SYT17: variants seen among roughly 807,000 people sequenced by gnomAD.
SYT17 encodes the protein synaptotagmin-17.
SYT17 carries 22 observed loss-of-function variants against 46.7 expected under a neutral mutation model. The ratio of observed to expected loss-of-function variants is 0.47; its 90% CI spans 0.34 to 0.67. SYT17 has a LOEUF of 0.67. SYT17 is among the 30% of genes least tolerant of loss of function. The probability of loss-of-function intolerance (pLI) is 0.01; values close to 1 mark genes in which losing one functional copy is unlikely to be tolerated. For missense variants in SYT17, 519 were observed against 612.8 expected (o/e 0.85, Z 1.62); for synonymous variants, 251 against 248.4 (o/e 1.01, Z -0.10).
At chr16:19,258,438 C>T (rs1489827484) in intron 7 of SYT17, among the ~76,000 whole-genome samples, 2 of 151,736 alleles carry the variant, frequency 1.3e-5, no homozygotes, top group Non-Finnish European at 2.9e-5. Context: ...GTCAGGTGTT[C>T]GAGACCAGCC....
At chr16:19,186,202 T>C (rs950933639) in intron 5 of SYT17, among the ~76,000 whole-genome samples, 1 of 151,810 alleles carries the variant, frequency 6.6e-6, no homozygotes, top group Non-Finnish European at 1.5e-5. Context: ...TAGGGCTGAG[T>C]GCAATGGCTC....
intron 7 of SYT17, among the ~76,000 whole-genome samples, chr16:19,253,255 T>G (rs1968318341): frequency 6.6e-6 from 1 of 152,198 alleles, no homozygotes; most frequent in South Asian, 2.1e-4. Context: ...TCTCTGGCCC[T>G]TTATAGAAAA....
chr16:19,217,148 T>C (rs879776915), intron 5 of SYT17, among the ~76,000 whole-genome samples: 4 of 152,256 alleles, frequency 2.6e-5, no homozygotes, highest in Non-Finnish European at 4.4e-5. Flanking sequence ...TGAGCTTTTT[T>C]CCATATGTTT....
At chr16:19,253,051 C>T (rs916579430) in intron 7 of SYT17, among the ~76,000 whole-genome samples, 2 of 152,164 alleles carry the variant, frequency 1.3e-5, no homozygotes, top group Admixed American at 6.5e-5. Context: ...GACCACACTT[C>T]GGGAACCACT....
chr16:19,224,249 T>G (rs1383306947), intron 6 of SYT17, among the ~76,000 whole-genome samples: 4 of 152,148 alleles, frequency 2.6e-5, no homozygotes, highest in African/African-American at 9.7e-5. Flanking sequence ...AAAACTGATT[T>G]CTCACCTTGA....
intron 5 of SYT17, among the ~76,000 whole-genome samples, chr16:19,216,628 C>T (rs151124732): frequency 0.015 from 2,314 of 152,122 alleles, 77 homozygotes; most frequent in African/African-American, 0.052. Flanking sequence ...TGAGAACATG[C>T]GGTGTTTGGT....
chr16:19,173,377 T>TTCCCCCCCC, intron 2 of SYT17, 53 bp from the exon 3 acceptor site: 1 of 133,944 alleles, frequency 7.5e-6, no homozygotes, highest in Non-Finnish European at 1.5e-5. Context: ...TTCCCCACCC[T>TTCCCCCCCC]GCCCACCTCC....
At chr16:19,172,503 A>C in intron 1 of SYT17, 1 of 1,487,924 alleles carries the variant, frequency 6.7e-7, no homozygotes, top group Non-Finnish European at 8.8e-7. Context: ...ATCAAATCGA[A>C]ATGCTAAAGT....
intron 7 of SYT17, among the ~76,000 whole-genome samples, chr16:19,250,359 T>TGTGTGTG (rs1967957748): frequency 1.5e-5 from 2 of 132,468 alleles, no homozygotes; most frequent in South Asian, 5.5e-4. Context: ...TCAAACATGT[T>TGTGTGTG]TGTGTGTGTG....
chr16:19,208,409 C>A (rs374120689), intron 5 of SYT17, among the ~76,000 whole-genome samples: 1 of 152,142 alleles, frequency 6.6e-6, no homozygotes, highest in Non-Finnish European at 1.5e-5. Context: ...AGGAAACTTA[C>A]AATCATGGTG....
intron 5 of SYT17, among the ~76,000 whole-genome samples, chr16:19,213,960 C>T (rs1190184399): frequency 6.6e-6 from 1 of 152,186 alleles, no homozygotes; most frequent in Non-Finnish European, 1.5e-5. Flanking sequence ...TCACCTTTGG[C>T]ACTAGTGATA....
chr16:19,248,933 C>T (rs979324990), intron 7 of SYT17, among the ~76,000 whole-genome samples: 2 of 152,110 alleles, frequency 1.3e-5, no homozygotes, highest in African/African-American at 4.8e-5. Context: ...ATGCAAATGA[C>T]TATATACTGT....
At chr16:19,256,465 C>CACACACACACACACACACACACACACGT (rs1968573983) in intron 7 of SYT17, among the ~76,000 whole-genome samples, 1 of 151,208 alleles carries the variant, frequency 6.6e-6, no homozygotes, top group Admixed American at 6.6e-5. Context: ...CACACACACA[C>CACACACACACACACACACACACACACGT]ACACACACAC....
chr16:19,258,746 G>A (rs1968761190), intron 7 of SYT17, among the ~76,000 whole-genome samples: 1 of 152,160 alleles, frequency 6.6e-6, no homozygotes, highest in Non-Finnish European at 1.5e-5. Context: ...GAGTGCCTAG[G>A]ACAGCACCGC....
At chr16:19,181,658 G>A (rs1016651672) in intron 4 of SYT17, among the ~76,000 whole-genome samples, 5 of 150,780 alleles carry the variant, frequency 3.3e-5, no homozygotes, top group African/African-American at 1.2e-4. Flanking sequence ...TCTTACTGAT[G>A]TTCTGTAAGT....
intron 5 of SYT17, among the ~76,000 whole-genome samples, chr16:19,184,372 C>G (rs1042219531): frequency 6.6e-6 from 1 of 151,556 alleles, no homozygotes; most frequent in Non-Finnish European, 1.5e-5. Context: ...GGTAACTAAC[C>G]TAGAGCTTAC....
At chr16:19,252,008 G>A (rs1447437289) in intron 7 of SYT17, among the ~76,000 whole-genome samples, 4 of 151,838 alleles carry the variant, frequency 2.6e-5, no homozygotes, top group African/African-American at 4.8e-5. Flanking sequence ...TCAGGAGTTC[G>A]AGAGCAGCCT....
intron 7 of SYT17, among the ~76,000 whole-genome samples, chr16:19,258,797 A>G (rs1968763948): frequency 6.6e-6 from 1 of 152,164 alleles, no homozygotes; most frequent in African/African-American, 2.4e-5. Flanking sequence ...AGCAGTATCA[A>G]GGGTGAGAAA....
chr16:19,209,983 G>T (rs1406840376), intron 5 of SYT17, among the ~76,000 whole-genome samples: 1 of 152,056 alleles, frequency 6.6e-6, no homozygotes. Flanking sequence ...TCAGCCTAAT[G>T]GAATGTTGTA....
Sources: gnomAD v4.1 joint callset for allele counts (sites outside exome capture counted in the v4.1 genomes callset) on GRCh38, gnomAD v4.1.1 for gene constraint, MANE v1.5 for transcripts, NCBI Gene and HGNC (gene_info 2026-07-23, HGNC 2026-07-21) for gene names.